MMP16: variants seen among roughly 807,000 people sequenced by gnomAD.
MMP16 encodes the protein matrix metallopeptidase 16, also known as matrix metalloproteinase-16.
MMP16 carries 12 observed loss-of-function variants against 67.8 expected under a neutral mutation model. The ratio of observed to expected loss-of-function variants is 0.18; its 90% confidence interval spans 0.11 to 0.29. MMP16 has a LOEUF of 0.29. Among genes scored for constraint, MMP16 ranks in the 10% least tolerant of loss-of-function variants. The pLI is 1.00. For missense variants in MMP16, 475 were observed against 765.7 expected, an observed-to-expected ratio of 0.62 and a Z score of 4.48; for synonymous variants, 249 against 255.9, an observed-to-expected ratio of 0.97 and a Z score of 0.26.
chr8:88,122,701 T>C (rs1807859431), intron 4 of MMP16, among the ~76,000 whole-genome samples: 2 of 151,660 alleles, frequency 1.3e-5, no homozygotes. Context: ...TTGGTTTCTC[T>C]AGTTGAGAAG....
At chr8:88,086,068 C>CA (rs1193725999) in intron 6 of MMP16, among the ~76,000 whole-genome samples, 1 of 151,570 alleles carries the variant, frequency 6.6e-6, no homozygotes, top group African/African-American at 2.4e-5. Context: ...GTTGCTACAC[C>CA]AAAAATGTAG....
chr8:88,135,050 T>G (rs1808095494), intron 4 of MMP16, among the ~76,000 whole-genome samples: 1 of 151,772 alleles, frequency 6.6e-6, no homozygotes, highest in Admixed American at 6.6e-5. Flanking sequence ...CCATTGAATT[T>G]TTATATGATT....
At chr8:88,254,461 A>T (rs1051693227) in intron 1 of MMP16, among the ~76,000 whole-genome samples, 3 of 151,940 alleles carry the variant, frequency 2.0e-5, no homozygotes, top group African/African-American at 7.3e-5. Context: ...TTAAAATAAA[A>T]GTTAAAAAGG....
At chr8:88,312,662 G>A (rs1811313242) in intron 1 of MMP16, among the ~76,000 whole-genome samples, 1 of 152,048 alleles carries the variant, frequency 6.6e-6, no homozygotes, top group South Asian at 2.1e-4. Context: ...TCTGCTTTCT[G>A]TTGCTAAAGA....
intron 4 of MMP16, among the ~76,000 whole-genome samples, chr8:88,157,021 A>C (rs1808520735): frequency 6.6e-6 from 1 of 152,068 alleles, no homozygotes; most frequent in East Asian, 1.9e-4. Flanking sequence ...TGTTCATTAA[A>C]CCTGTCACCT....
rs559145803 is a variant in MMP16, at chr8:88,115,144, A to G, written c.1083+1363T>C. ...ATAAGGTTGATGTTTTGGTGTTATTATTATGGTATCAAGGTATAAAGCCTG... is the reference window on the plus strand; with the variant it reads ...ATAAGGTTGATGTTTTGGTGTTATTGTTATGGTATCAAGGTATAAAGCCTG... On this transcript the variant is annotated intron_variant, in intron 6 of 9. Transcript: ENST00000286614. Among the ~76,000 whole-genome samples, 331 of 152,154 alleles carry G rather than the reference A, an allele frequency of 2.2e-3. 1 individual carries two copies. Among genetic ancestry groups the G allele is most frequent in the African/African-American group, 7.6e-3 (317 of 41,560 alleles).
chr8:88,040,288 T>C lies in MMP16; in HGVS notation c.*1173A>G, dbSNP rs761158191. The C allele has an allele frequency of 6.5e-5, 10 of 152,766 alleles. No homozygotes were observed. Among genetic ancestry groups the C allele is most frequent in the Non-Finnish European group, 1.2e-4 (8 of 68,036 alleles). The allele number at this position is 152,766 out of a possible 1,614,324, so 9.5% of individuals were successfully genotyped here. ...TGTTATAAACACATTTATGTAGTCT[T>C]GTAAATCATTTAAAAATTATATGAC... On this transcript the variant is annotated 3_prime_UTR_variant, in exon 10 of 10. Transcript: ENST00000286614.
intron 1 of MMP16, among the ~76,000 whole-genome samples, chr8:88,273,251 T>TG (rs1056073341): frequency 6.7e-6 from 1 of 150,282 alleles, no homozygotes; most frequent in African/African-American, 2.4e-5. Context: ...TGCCTGGCTT[T>TG]TTTTTTTTTT....
intron 1 of MMP16, among the ~76,000 whole-genome samples, chr8:88,323,718 A>T (rs1455427265): frequency 1.3e-5 from 2 of 151,198 alleles, no homozygotes; most frequent in African/African-American, 4.9e-5. Flanking sequence ...AGTTGACGAT[A>T]TGAGAGGTAT....
intron 4 of MMP16, among the ~76,000 whole-genome samples, chr8:88,132,305 T>C (rs1808044461): frequency 1.3e-5 from 2 of 151,938 alleles, no homozygotes; most frequent in Admixed American, 6.6e-5. Flanking sequence ...AATGATAATA[T>C]TGTTTAAGTT....
chr8:88,055,886 G>A (rs1360704456), intron 8 of MMP16, among the ~76,000 whole-genome samples: 1 of 151,596 alleles, frequency 6.6e-6, no homozygotes, highest in African/African-American at 2.4e-5. Flanking sequence ...TACAATTATG[G>A]GGAAATGAAA....
chr8:88,287,468 A>G (rs1167595455), intron 1 of MMP16, among the ~76,000 whole-genome samples: 1 of 152,216 alleles, frequency 6.6e-6, no homozygotes, highest in Non-Finnish European at 1.5e-5. Flanking sequence ...TCTTCATAGC[A>G]GCTACCACTT....
intron 3 of MMP16, among the ~76,000 whole-genome samples, chr8:88,179,964 A>G (rs1407714390): frequency 1.3e-5 from 2 of 152,174 alleles, no homozygotes; most frequent in African/African-American, 2.4e-5. Flanking sequence ...AGGTATTAAT[A>G]CAACTGCATC....
chr8:88,243,398 G>C (rs75963156), intron 1 of MMP16, among the ~76,000 whole-genome samples: 1 of 152,126 alleles, frequency 6.6e-6, no homozygotes, highest in East Asian at 1.9e-4. Context: ...ACCAGGCAAC[G>C]CCAGCTCCTG....
chr8:88,126,765 G>A (rs1418358395), intron 4 of MMP16, among the ~76,000 whole-genome samples: 1 of 151,798 alleles, frequency 6.6e-6, no homozygotes, highest in Non-Finnish European at 1.5e-5. Context: ...ATACAATTTA[G>A]TAAACTACTA....
At chr8:88,222,922 G>A (rs1031252825) in intron 1 of MMP16, among the ~76,000 whole-genome samples, 1 of 151,954 alleles carries the variant, frequency 6.6e-6, no homozygotes, top group Non-Finnish European at 1.5e-5. Context: ...TACAGAATGG[G>A]AGAAAATTTT....
At chr8:88,189,526 C>T (rs1465655497) in intron 2 of MMP16, among the ~76,000 whole-genome samples, 1 of 152,158 alleles carries the variant, frequency 6.6e-6, no homozygotes, top group Non-Finnish European at 1.5e-5. Flanking sequence ...TCAACACTTC[C>T]TTCATTTTCA....
intron 4 of MMP16, among the ~76,000 whole-genome samples, chr8:88,132,964 A>G (rs1377814878): frequency 6.6e-6 from 1 of 151,910 alleles, no homozygotes; most frequent in Non-Finnish European, 1.5e-5. Flanking sequence ...AGAAACTGAT[A>G]CTCAGGAATG....
At chr8:88,281,723 C>G (rs1031268266) in intron 1 of MMP16, among the ~76,000 whole-genome samples, 4 of 152,196 alleles carry the variant, frequency 2.6e-5, no homozygotes, top group African/African-American at 9.6e-5. Flanking sequence ...AAGGCTGCCC[C>G]CTGTCAGGGG....
Sources: allele counts gnomAD v4.1 joint callset (sites outside exome capture counted in the v4.1 genomes callset), GRCh38; gene constraint gnomAD v4.1.1; transcripts MANE v1.5; gene names NCBI Gene and HGNC (gene_info 2026-07-23, HGNC 2026-07-21).